TRERF1: variants seen among roughly 807,000 people sequenced by gnomAD.
TRERF1 encodes transcriptional-regulating factor 1.
A neutral mutation model predicts 122.9 loss-of-function variants in TRERF1; 27 were observed. The observed-to-expected ratio is 0.22, with a 90% CI of 0.16 to 0.30. The LOEUF (loss-of-function observed/expected upper bound fraction) is 0.30. Among genes scored for constraint, TRERF1 ranks in the 10% least tolerant of loss-of-function variants. The pLI, the probability that TRERF1 is intolerant of heterozygous loss-of-function variation, is 1.00. For synonymous variants in TRERF1, 636 were observed against 641.7 expected, an observed-to-expected ratio of 0.99 and a Z score of 0.13; for missense variants, 1,248 against 1,560.3, an observed-to-expected ratio of 0.80 and a Z score of 3.37.
chr6:42,259,244 G>T lies in TRERF1; in HGVS notation c.2269+95C>A. The T allele has an allele frequency of 1.4e-6, 2 of 1,425,114 alleles. No individual in the cohort carries two copies. Among genetic ancestry groups the T allele is most frequent in the Admixed American group, 3.0e-5 (1 of 33,728 alleles). 88.3% of individuals were successfully genotyped at this position (1,425,114 alleles called of 1,614,324 possible). ...TACATACAGCCAATACTCCGCAAAA[G>T]TCTGTGGGATAAATGAGAAAGCTAA... is the stretch of plus-strand genomic sequence containing the variant. On this transcript the variant is annotated intron_variant, in intron 9 of 17. Transcript: ENST00000372922. The surrounding 1 kb of genome is among the most constrained non-coding windows in gnomAD (Gnocchi z 4.9).
chr6:42,303,614 T>C (rs978935012), intron 3 of TRERF1, among the ~76,000 whole-genome samples: 1 of 152,106 alleles, frequency 6.6e-6, no homozygotes, highest in African/African-American at 2.4e-5. Flanking sequence ...AAGACAGGCA[T>C]TAAAGATGTA....
intron 2 of TRERF1, among the ~76,000 whole-genome samples, chr6:42,406,653 A>G (rs763213553): frequency 2.5e-4 from 38 of 152,014 alleles, no homozygotes; most frequent in Non-Finnish European, 4.4e-4. Flanking sequence ...GGCATCCCCC[A>G]TACTGCATCT....
chr6:42,385,823 ATCT>A (rs1380390064), intron 2 of TRERF1, among the ~76,000 whole-genome samples: 1 of 152,236 alleles, frequency 6.6e-6, no homozygotes, highest in Non-Finnish European at 1.5e-5. Flanking sequence ...CAAAGAATAA[ATCT>A]TCTCTGCACA....
At chr6:42,286,036 A>G (rs1582818185) in intron 4 of TRERF1, among the ~76,000 whole-genome samples, 1 of 151,100 alleles carries the variant, frequency 6.6e-6, no homozygotes, top group African/African-American at 2.4e-5. Context: ...AAAACAAGCA[A>G]TTAAAAGGAT....
chr6:42,331,182 T>C (rs1765178154), intron 3 of TRERF1, among the ~76,000 whole-genome samples: 1 of 152,096 alleles, frequency 6.6e-6, no homozygotes, highest in African/African-American at 2.4e-5. Flanking sequence ...AAAATGACGG[T>C]TTACAGGAAA....
intron 9 of TRERF1, among the ~76,000 whole-genome samples, chr6:42,258,597 C>T (rs996391396): frequency 6.6e-6 from 1 of 152,212 alleles, no homozygotes; most frequent in Non-Finnish European, 1.5e-5. Context: ...TTTTTTGAGA[C>T]GGAGTCTCGC....
intron 4 of TRERF1, among the ~76,000 whole-genome samples, chr6:42,298,556 G>A (rs1465423844): frequency 2.0e-5 from 3 of 151,662 alleles, no homozygotes; most frequent in East Asian, 3.9e-4. Flanking sequence ...TGTAATGCCA[G>A]CACTTTGGGA....
chr6:42,264,425 T>G (rs1351983138), intron 7 of TRERF1, among the ~76,000 whole-genome samples: 1 of 152,248 alleles, frequency 6.6e-6, no homozygotes, highest in Non-Finnish European at 1.5e-5. Flanking sequence ...ATTTACATGT[T>G]TTCCTTTGCT....
intron 3 of TRERF1, among the ~76,000 whole-genome samples, chr6:42,341,723 T>C (rs987387323): frequency 2.0e-5 from 3 of 152,222 alleles, no homozygotes; most frequent in African/African-American, 4.8e-5. Flanking sequence ...TACTTGCCAG[T>C]TGTTTCACGA....
intron 15 of TRERF1, among the ~76,000 whole-genome samples, chr6:42,242,050 A>C (rs1225956306): frequency 6.6e-6 from 1 of 152,194 alleles, no homozygotes; most frequent in South Asian, 2.1e-4. Flanking sequence ...AGCTATGATC[A>C]TGCCGCTGCA....
intron 2 of TRERF1, among the ~76,000 whole-genome samples, chr6:42,419,640 T>C (rs572478467): frequency 1.3e-5 from 2 of 152,118 alleles, no homozygotes; most frequent in Non-Finnish European, 1.5e-5. Context: ...CAACCAAACC[T>C]TAAGGTCCCT....
chr6:42,383,222 C>A (rs1308130100), intron 2 of TRERF1, among the ~76,000 whole-genome samples: 1 of 152,048 alleles, frequency 6.6e-6, no homozygotes, highest in Non-Finnish European at 1.5e-5. Context: ...CCGAGTGAGA[C>A]CTTGTCTTGA....
At chr6:42,281,583 T>G (rs1782309883) in intron 4 of TRERF1, among the ~76,000 whole-genome samples, 1 of 152,166 alleles carries the variant, frequency 6.6e-6, no homozygotes, top group South Asian at 2.1e-4. Flanking sequence ...CATGGTAAAC[T>G]ATTAGAAAGT....
chr6:42,347,089 G>A (rs1372820331), intron 3 of TRERF1, among the ~76,000 whole-genome samples: 1 of 152,210 alleles, frequency 6.6e-6, no homozygotes, highest in Non-Finnish European at 1.5e-5. Context: ...CCAGTTGGGA[G>A]AGGACCCCAT....
At chr6:42,382,520 G>A (rs1046055126) in intron 2 of TRERF1, among the ~76,000 whole-genome samples, 3 of 151,496 alleles carry the variant, frequency 2.0e-5, no homozygotes, top group African/African-American at 7.3e-5. Context: ...ACAGGGTACT[G>A]ACTTATTTTA....
intron 2 of TRERF1, among the ~76,000 whole-genome samples, chr6:42,445,391 G>C (rs1297341930): frequency 2.5e-5 from 3 of 120,366 alleles, no homozygotes; most frequent in East Asian, 2.4e-4. Context: ...CACACACACA[G>C]CACACACCTC....
rs1562153214 is a variant in TRERF1, at chr6:42,408,289, G to A, written c.-454+42888C>T. On this transcript the variant is annotated intron_variant, in intron 2 of 17. Coordinates refer to ENST00000372922, the Ensembl canonical transcript of TRERF1. ...TGTATGTATATATACATACACATGT[G>A]TGTGTATGTATATATACATACTCAT... is the stretch of plus-strand genomic sequence containing the variant. Among the ~76,000 whole-genome samples the A allele has an allele frequency of 1.3e-4, 18 of 134,314 alleles. No individual in the cohort carries two copies. In the East Asian group the frequency reaches 3.6e-3, roughly 27 times the overall value. The allele number at this position is 134,314 out of a possible 152,430, so 88.1% of individuals were successfully genotyped here.
At chr6:42,382,236 C>T (rs1212870268) in intron 2 of TRERF1, among the ~76,000 whole-genome samples, 1 of 151,632 alleles carries the variant, frequency 6.6e-6, no homozygotes, top group African/African-American at 2.4e-5. Flanking sequence ...GCACAGGAGA[C>T]TCATAGCACA....
rs377463891 is a variant in TRERF1, at chr6:42,268,355, A to G, written c.1236T>C (p.Ser412=). 219 of 1,524,174 alleles carry G rather than the reference A, an allele frequency of 1.4e-4. 1 individual carries two copies. Among genetic ancestry groups the G allele is most frequent in the Middle Eastern group, 8.9e-4 (5 of 5,636 alleles). The allele number at this position is 1,524,174 out of a possible 1,614,324, so 94.4% of individuals were successfully genotyped here. ...TCAGCATGGCCTGGGCCTGTCTGTC[A>G]CTAGAGTAGGTCTTCAGCTGACTGT... The change falls in exon 5 of 18, where the codon AGT becomes AGC. Residue 412 remains serine, a synonymous_variant. Coordinates refer to ENST00000372922, the Ensembl canonical transcript of TRERF1. The surrounding 1 kb of genome is among the most constrained non-coding windows in gnomAD (Gnocchi z 4.4).
Sources: allele counts gnomAD v4.1 joint callset (sites outside exome capture counted in the v4.1 genomes callset), GRCh38; gene constraint gnomAD v4.1.1; non-coding constraint Gnocchi (gnomAD v3.1); transcripts MANE v1.5; gene names NCBI Gene and HGNC (gene_info 2026-07-23, HGNC 2026-07-21).